NEK7: variants seen among roughly 807,000 people sequenced by gnomAD.
NEK7 encodes serine/threonine-protein kinase Nek7.
In NEK7, 18 loss-of-function variants were observed where a neutral mutation model predicts 44.6. The observed-to-expected ratio is 0.40, with a 90% CI of 0.28 to 0.60. The LOEUF is 0.60. Among genes scored for constraint, NEK7 ranks in the 20% least tolerant of loss-of-function variants. The pLI, the probability that NEK7 is intolerant of heterozygous loss-of-function variation, is 0.38. For synonymous variants in NEK7, 130 were observed against 121.1 expected (o/e 1.07, Z -0.48); for missense variants, 256 against 366.5 (o/e 0.70, Z 2.46).
At chr1:198,300,304 C>CCATTG (rs1654846165) in intron 9 of NEK7, among the ~76,000 whole-genome samples, 1 of 152,178 alleles carries the variant, frequency 6.6e-6, no homozygotes, top group South Asian at 2.1e-4. Context: ...CCGTCGTAAA[C>CCATTG]TGACCTGGGC....
intron 9 of NEK7, among the ~76,000 whole-genome samples, chr1:198,301,847 A>C (rs1654894504): frequency 6.6e-6 from 1 of 152,276 alleles, no homozygotes; most frequent in Non-Finnish European, 1.5e-5. Context: ...GCCGATCTGA[A>C]CTAGTGGCTA....
intron 2 of NEK7, among the ~76,000 whole-genome samples, chr1:198,241,816 G>A (rs1192226557): frequency 6.6e-6 from 1 of 152,184 alleles, no homozygotes; most frequent in Non-Finnish European, 1.5e-5. Flanking sequence ...GGAGCTTTCA[G>A]TATGATGCTT....
At chr1:198,181,978 A>G (rs1664780405) in intron 1 of NEK7, among the ~76,000 whole-genome samples, 1 of 152,024 alleles carries the variant, frequency 6.6e-6, no homozygotes, top group African/African-American at 2.4e-5. Context: ...AATAGAAAAA[A>G]GTGATATATA....
chr1:198,192,981 C>G (rs1012693816), intron 1 of NEK7, among the ~76,000 whole-genome samples: 4 of 149,916 alleles, frequency 2.7e-5, no homozygotes, highest in African/African-American at 9.8e-5. Flanking sequence ...CTGAAGAAGA[C>G]AGAGACATGA....
At chr1:198,274,412 A>G (rs79100632) in intron 5 of NEK7, among the ~76,000 whole-genome samples, 36 of 151,870 alleles carry the variant, frequency 2.4e-4, no homozygotes, top group Non-Finnish European at 4.1e-4. Context: ...CAAGTGCCAG[A>G]CCTGCATAAC....
chr1:198,253,378 T>C (rs1653141394), intron 3 of NEK7, among the ~76,000 whole-genome samples, 198 bp downstream of exon 3: 1 of 152,140 alleles, frequency 6.6e-6, no homozygotes, highest in Non-Finnish European at 1.5e-5. Context: ...TTCTAGGCTT[T>C]AAAAATTTAG....
intron 2 of NEK7, among the ~76,000 whole-genome samples, chr1:198,252,549 TATATATATATATATATATAA>T (rs1335366230): frequency 3.3e-5 from 2 of 59,922 alleles, no homozygotes; most frequent in Non-Finnish European, 5.2e-5. Context: ...TATATATATA[TATATATATATATATATATAA>T]AAAGTACATA....
chr1:198,249,760 T>G (rs1361734918), intron 2 of NEK7, among the ~76,000 whole-genome samples: 2 of 140,976 alleles, frequency 1.4e-5, no homozygotes, highest in Non-Finnish European at 3.0e-5. Context: ...TAAATTTGTT[T>G]GAGTTCATTG....
chr1:198,278,827 T>C, intron 6 of NEK7, 127 bp from the exon 7 acceptor site: 1 of 592,256 alleles, frequency 1.7e-6, no homozygotes, highest in Non-Finnish European at 3.0e-6. Context: ...ATAAACTAAT[T>C]GGTTCATAAA....
At chr1:198,161,202 C>T (rs1664092654) in intron 1 of NEK7, among the ~76,000 whole-genome samples, 1 of 152,056 alleles carries the variant, frequency 6.6e-6, no homozygotes, top group Non-Finnish European at 1.5e-5. Context: ...GGAAATAGGC[C>T]TTTTTGTAAA....
intron 5 of NEK7, among the ~76,000 whole-genome samples, chr1:198,276,962 T>G (rs1355500081): frequency 6.6e-6 from 1 of 151,680 alleles, no homozygotes; most frequent in Non-Finnish European, 1.5e-5. Context: ...AAAAATCAAT[T>G]TAGTTGGACT....
At chr1:198,319,377 C>G in intron 9 of NEK7, 35 bp from the exon 10 acceptor site, 1 of 1,477,136 alleles carries the variant, frequency 6.8e-7, no homozygotes, top group Non-Finnish European at 9.4e-7. Context: ...AAATAGTTGT[C>G]TTAATCAGGT....
At chr1:198,289,598 A>G (rs1654482692) in intron 7 of NEK7, among the ~76,000 whole-genome samples, 2 of 152,196 alleles carry the variant, frequency 1.3e-5, no homozygotes, top group African/African-American at 4.8e-5. Flanking sequence ...TGTTTAAAAA[A>G]CACACAAAAA....
At chr1:198,306,760 A>G (rs139074962) in intron 9 of NEK7, among the ~76,000 whole-genome samples, 2 of 152,174 alleles carry the variant, frequency 1.3e-5, no homozygotes, top group African/African-American at 4.8e-5. Flanking sequence ...GTGGTTGTTT[A>G]TAACACAAAA....
chr1:198,295,572 A>C (rs1654689884), intron 8 of NEK7, among the ~76,000 whole-genome samples: 1 of 151,976 alleles, frequency 6.6e-6, no homozygotes, highest in African/African-American at 2.4e-5. Flanking sequence ...TCAAAGCAGG[A>C]GATGCATGAA....
intron 1 of NEK7, among the ~76,000 whole-genome samples, chr1:198,175,394 A>C (rs1173152215): frequency 1.3e-5 from 2 of 152,214 alleles, no homozygotes; most frequent in Admixed American, 6.5e-5. Context: ...TAAATAATTC[A>C]TACTAATGAA....
At chr1:198,307,282 A>G (rs1213247932) in intron 9 of NEK7, among the ~76,000 whole-genome samples, 3 of 152,156 alleles carry the variant, frequency 2.0e-5, no homozygotes, top group Admixed American at 2.0e-4. Context: ...TGAGTAATGT[A>G]CTAAGCAGTG....
intron 9 of NEK7, among the ~76,000 whole-genome samples, chr1:198,313,005 T>C (rs924760936): frequency 6.6e-6 from 1 of 152,100 alleles, no homozygotes; most frequent in Non-Finnish European, 1.5e-5. Flanking sequence ...GTTGACTTTC[T>C]GTCTCGTTGA....
chr1:198,264,352 A>T (rs1653579640), intron 5 of NEK7, 117 bp downstream of exon 5: 6 of 676,300 alleles, frequency 8.9e-6, no homozygotes, highest in Non-Finnish European at 1.5e-5. Context: ...TGCAAAGCTT[A>T]TCTGATAGAT....
Sources: allele counts gnomAD v4.1 joint callset (sites outside exome capture counted in the v4.1 genomes callset), GRCh38; gene constraint gnomAD v4.1.1; transcripts MANE v1.5; gene names NCBI Gene and HGNC (gene_info 2026-07-23, HGNC 2026-07-21).